The following PPP2R2B variants were observed in gnomAD, a reference collection of about 807,000 sequenced individuals.
PPP2R2B encodes the protein serine/threonine-protein phosphatase 2A 55 kDa regulatory subunit B beta isoform.
Under a neutral mutation model 46.0 loss-of-function variants are expected in PPP2R2B, and 5 were observed. The observed-to-expected ratio is 0.11, with a 90% CI of 0.06 to 0.23. PPP2R2B has a LOEUF of 0.23. PPP2R2B is among the 10% of genes least tolerant of loss of function. PPP2R2B has a pLI of 1.00. For missense variants in PPP2R2B, 367 were observed against 575.0 expected, an observed-to-expected ratio of 0.64 and a Z score of 3.70; for synonymous variants, 215 against 206.7, an observed-to-expected ratio of 1.04 and a Z score of -0.34.
chr5:147,070,033 C>T (rs971133082), intron 2 of PPP2R2B, among the ~76,000 whole-genome samples: 3 of 152,026 alleles, frequency 2.0e-5, no homozygotes. Flanking sequence ...TCGTGATCTG[C>T]CTGCCTCGGC....
At chr5:146,916,688 G>A (rs1240711947) in intron 1 of PPP2R2B, among the ~76,000 whole-genome samples, 1 of 152,132 alleles carries the variant, frequency 6.6e-6, no homozygotes, top group Non-Finnish European at 1.5e-5. Flanking sequence ...TTCTTGCTAT[G>A]TAGTTGAGTG....
At chr5:147,028,932 T>C (rs552785901) in intron 1 of PPP2R2B, among the ~76,000 whole-genome samples, 1 of 152,316 alleles carries the variant, frequency 6.6e-6, no homozygotes, top group South Asian at 2.1e-4. Context: ...ATAGAATTGA[T>C]TACATTTTCA....
chr5:146,707,463 G>C (rs192945571), intron 2 of PPP2R2B: 1 of 755,066 alleles, frequency 1.3e-6, no homozygotes, highest in Non-Finnish European at 2.5e-6. Flanking sequence ...AGGCCACCCC[G>C]GAAGCTGCTG....
intron 2 of PPP2R2B, among the ~76,000 whole-genome samples, chr5:146,735,917 T>C (rs1180651715): frequency 1.3e-5 from 2 of 152,216 alleles, no homozygotes; most frequent in African/African-American, 4.8e-5. Flanking sequence ...GTGGGCATTA[T>C]TATTTATGAT....
At chr5:146,937,578 G>T (rs1445738472) in intron 1 of PPP2R2B, among the ~76,000 whole-genome samples, 1 of 152,118 alleles carries the variant, frequency 6.6e-6, no homozygotes, top group Non-Finnish European at 1.5e-5. Flanking sequence ...CTTGCCAAGG[G>T]AGGTGGCCTC....
chr5:146,943,977 G>A (rs1764402796), intron 1 of PPP2R2B, among the ~76,000 whole-genome samples: 1 of 152,156 alleles, frequency 6.6e-6, no homozygotes, highest in South Asian at 2.1e-4. Flanking sequence ...TGTGTTCAAG[G>A]AGAGGCAGCC....
chr5:146,790,677 C>A (rs1478229429), intron 2 of PPP2R2B, among the ~76,000 whole-genome samples: 2 of 152,230 alleles, frequency 1.3e-5, no homozygotes, highest in African/African-American at 4.8e-5. Context: ...CCTAATATCC[C>A]TCCCAAGGAT....
At chr5:146,707,310 CTTG>C (rs1239905592) in intron 2 of PPP2R2B, 26 of 1,266,808 alleles carry the variant, frequency 2.1e-5, no homozygotes, top group African/African-American at 1.8e-4. Flanking sequence ...AGGAGGCAAA[CTTG>C]TTGTTGAAGG....
At chr5:146,644,179 C>T (rs405940) in intron 6 of PPP2R2B, among the ~76,000 whole-genome samples, 13 of 122,572 alleles carry the variant, frequency 1.1e-4, no homozygotes, top group South Asian at 2.7e-4. Flanking sequence ...AAAAGAATAT[C>T]GTAATGCAAA....
chr5:146,904,111 A>G (rs1279939040), intron 1 of PPP2R2B, among the ~76,000 whole-genome samples: 1 of 152,122 alleles, frequency 6.6e-6, no homozygotes, highest in Non-Finnish European at 1.5e-5. Context: ...TAGAATGCAG[A>G]CATCACTCTC....
At chr5:147,024,489 AACACAAC>A (rs1477798914) in intron 1 of PPP2R2B, among the ~76,000 whole-genome samples, 3 of 152,162 alleles carry the variant, frequency 2.0e-5, no homozygotes, top group Non-Finnish European at 4.4e-5. Context: ...GACATTGAAA[AACACAAC>A]ACACAACACC....
rs1370193498 is a variant in PPP2R2B, at chr5:146,712,874, T to C, written c.71-11732A>G. Among the ~76,000 whole-genome samples, 3 of 152,198 alleles carry C rather than the reference T, an allele frequency of 2.0e-5. No homozygotes were observed. The East Asian group carries it at 5.8e-4, about 29-fold the overall frequency. ...GATTTAGGGTTAATTAATTCATTCA[T>C]TGACCCATTTATTCACTCAACAAAT... On this transcript the variant is annotated intron_variant, in intron 2 of 9. Transcript: ENST00000394411.
At chr5:147,058,084 C>T (rs191971689), upstream of PPP2R2B, among the ~76,000 whole-genome samples, 38 of 152,272 alleles carry the variant, frequency 2.5e-4, no homozygotes, top group East Asian at 5.8e-4. Flanking sequence ...GGGAGATCAA[C>T]GTCTAATTCA....
At position 146,582,088 on chromosome 5, in the gene PPP2R2B, C is replaced by T. The variant is rs910102119; in HGVS notation, c.*7859G>A. On this transcript the variant is annotated 3_prime_UTR_variant, in exon 10 of 10. Transcript: ENST00000394411. The stretch of plus-strand genomic sequence containing the variant: ...CCCTGCAATATTGTGGACACCCAGG[C>T]AAATGAAAATGCCAATCTTCTCCCA... The T allele has an allele frequency of 1.3e-5, 2 of 152,222 alleles. No homozygotes were observed. The highest frequency in any genetic ancestry group is 4.8e-5 in the African/African-American group (2 of 41,434). The allele number at this position is 152,222 out of a possible 1,614,324, so 9.4% of individuals were successfully genotyped here.
chr5:146,623,376 A>G (rs1773832401), intron 7 of PPP2R2B, among the ~76,000 whole-genome samples: 1 of 152,268 alleles, frequency 6.6e-6, no homozygotes, highest in South Asian at 2.1e-4. Flanking sequence ...TGAACTTTAT[A>G]TTAGAAACAT....
At chr5:146,829,888 C>T (rs1561940802) in intron 2 of PPP2R2B, among the ~76,000 whole-genome samples, 1 of 152,116 alleles carries the variant, frequency 6.6e-6, no homozygotes, top group East Asian at 1.9e-4. Flanking sequence ...TCTAGAGTCA[C>T]ACTCATTGTG....
Position 146,753,622 on chromosome 5 carries a change from C to T in PPP2R2B, c.71-52480G>A, listed in dbSNP as rs73793256. Among the ~76,000 whole-genome samples, 980 of 152,156 alleles carry T rather than the reference C, an allele frequency of 6.4e-3. 14 individuals carry two copies. The highest frequency in any genetic ancestry group is 0.023 in the African/African-American group (935 of 41,520). On this transcript the variant is annotated intron_variant, in intron 2 of 9. Coordinates refer to ENST00000394411, the MANE Select transcript of PPP2R2B (RefSeq NM_181675.4). Reference sequence around the variant, plus strand: ...CTTGGCAGCTTGAATGTAAGGAATTCGGTCTGATGCTCGGTTTTAAACTAA... The same window carrying T: ...CTTGGCAGCTTGAATGTAAGGAATTTGGTCTGATGCTCGGTTTTAAACTAA...
chr5:146,625,330 A>G (rs1448938992), intron 7 of PPP2R2B, among the ~76,000 whole-genome samples: 2 of 152,200 alleles, frequency 1.3e-5, no homozygotes, highest in Non-Finnish European at 2.9e-5. Context: ...GTGTGTGTGT[A>G]ATGTATTCTT....
At chr5:146,842,456 T>C (rs2151372656) in intron 2 of PPP2R2B, among the ~76,000 whole-genome samples, 1 of 149,942 alleles carries the variant, frequency 6.7e-6, no homozygotes, top group African/African-American at 2.4e-5. Context: ...AAAAAAGACA[T>C]ACTTCAAAAA....
Sources: gnomAD v4.1 joint callset for allele counts (sites outside exome capture counted in the v4.1 genomes callset) on GRCh38, gnomAD v4.1.1 for gene constraint, MANE v1.5 for transcripts, NCBI Gene and HGNC (gene_info 2026-07-23, HGNC 2026-07-21) for gene names.